SGCZ: variants seen among roughly 807,000 people sequenced by gnomAD.
SGCZ encodes zeta-sarcoglycan.
In SGCZ, 40 loss-of-function variants were observed where a neutral mutation model predicts 41.3. That is an observed-to-expected ratio of 0.97 (90% CI 0.75 to 1.26). The LOEUF is 1.26. Ranked by LOEUF, SGCZ falls within the 50% of genes most tolerant of loss-of-function variation. The pLI, the probability that SGCZ is intolerant of heterozygous loss-of-function variation, is 0.00. For missense variants in SGCZ, 552 were observed against 369.8 expected, an observed-to-expected ratio of 1.49 and a Z score of -4.04; for synonymous variants, 206 against 137.5, an observed-to-expected ratio of 1.50 and a Z score of -3.49.
chr8:14,090,359 T>G lies in SGCZ; in HGVS notation c.*84A>C. 6.9e-7 allele frequency: 1 copy of G among 1,453,548 alleles called. No individual in the cohort carries two copies. Among genetic ancestry groups the G allele is most frequent in the Non-Finnish European group, 9.3e-7 (1 of 1,075,314 alleles). 90.0% of individuals were successfully genotyped at this position (1,453,548 alleles called of 1,614,324 possible). ...TGGACCATTCGAAGAAGCTCTGGAC[T>G]GATCACAAGGGAAACCGAGCAGAAC... On this transcript the variant is annotated 3_prime_UTR_variant, in exon 8 of 8. Transcript: ENST00000382080.
At chr8:14,628,114 G>T (rs1016408170) in intron 1 of SGCZ, among the ~76,000 whole-genome samples, 1 of 152,088 alleles carries the variant, frequency 6.6e-6, no homozygotes, top group Admixed American at 6.6e-5. Context: ...AATTAAGATT[G>T]CAGGTTTAAT....
At chr8:15,073,761 C>G (rs1805434772) in intron 1 of SGCZ, among the ~76,000 whole-genome samples, 1 of 152,142 alleles carries the variant, frequency 6.6e-6, no homozygotes, top group South Asian at 2.1e-4. Context: ...CTAGCTGGCC[C>G]CCACAACTGT....
At chr8:14,457,318 T>C (rs1038915626) in intron 2 of SGCZ, among the ~76,000 whole-genome samples, 14 of 152,212 alleles carry the variant, frequency 9.2e-5, no homozygotes, top group African/African-American at 3.4e-4. Context: ...GAGGGCTCCT[T>C]GGTCTAGCGG....
intron 1 of SGCZ, among the ~76,000 whole-genome samples, chr8:15,225,950 A>G (rs1801756727): frequency 6.6e-6 from 1 of 152,144 alleles, no homozygotes; most frequent in South Asian, 2.1e-4. Flanking sequence ...ATGCACATCT[A>G]CATTGCCTTA....
rs186551293 is a variant in SGCZ at position 14,092,439 on chromosome 8, C to T, written c.745-1802G>A. ...GGCCATTTTCATATTTTTTAATACT[C>T]ATAAAAGTGTGTGGACTTTTAATCC... On this transcript the variant is annotated intron_variant, in intron 7 of 7. Coordinates refer to ENST00000382080, the MANE Select transcript of SGCZ (RefSeq NM_139167.4). 1.9e-3 allele frequency among the ~76,000 whole-genome samples: 284 copies of T among 152,068 alleles called. 4 individuals are homozygous for T. The highest frequency in any genetic ancestry group is 6.7e-3 in the African/African-American group (277 of 41,504).
intron 1 of SGCZ, among the ~76,000 whole-genome samples, chr8:14,784,975 T>A (rs1481013103): frequency 2.1e-5 from 3 of 141,580 alleles, no homozygotes; most frequent in Middle Eastern, 3.7e-3. Flanking sequence ...ATAATATATA[T>A]ATTTTTTATA....
At chr8:14,235,930 G>T (rs113104488) in intron 4 of SGCZ, among the ~76,000 whole-genome samples, 1 of 152,210 alleles carries the variant, frequency 6.6e-6, no homozygotes, top group East Asian at 1.9e-4. Flanking sequence ...TGATCCGCCC[G>T]CCTTGGCCTC....
intron 2 of SGCZ, among the ~76,000 whole-genome samples, chr8:14,466,842 T>C (rs1801064802): frequency 6.6e-6 from 1 of 151,880 alleles, no homozygotes; most frequent in Admixed American, 6.6e-5. Context: ...TTTCATTTTG[T>C]TTATACATTG....
chr8:15,099,899 A>G (rs1386261335), intron 1 of SGCZ, among the ~76,000 whole-genome samples: 1 of 152,132 alleles, frequency 6.6e-6, no homozygotes, highest in Non-Finnish European at 1.5e-5. Context: ...AAAAAATTCA[A>G]CATACTTTCA....
intron 3 of SGCZ, among the ~76,000 whole-genome samples, chr8:14,307,801 G>C (rs566636476): frequency 1.6e-4 from 25 of 152,142 alleles, no homozygotes; most frequent in African/African-American, 5.5e-4. Flanking sequence ...GCAAGGGCAA[G>C]AAAAAGAGGT....
At chr8:14,864,686 A>G (rs1366428472) in intron 1 of SGCZ, among the ~76,000 whole-genome samples, 1 of 152,164 alleles carries the variant, frequency 6.6e-6, no homozygotes, top group Non-Finnish European at 1.5e-5. Context: ...AAGACTTCTT[A>G]AACTGTAGAA....
intron 1 of SGCZ, among the ~76,000 whole-genome samples, chr8:15,176,958 G>A (rs996907162): frequency 1.3e-5 from 2 of 152,056 alleles, no homozygotes; most frequent in African/African-American, 4.8e-5. Context: ...TAGAGATCAC[G>A]CCACTGCACT....
intron 7 of SGCZ, among the ~76,000 whole-genome samples, chr8:14,095,682 A>ATTACT (rs1479304130): frequency 6.6e-6 from 1 of 152,148 alleles, no homozygotes; most frequent in Non-Finnish European, 1.5e-5. Flanking sequence ...GAATCTATAA[A>ATTACT]TTACTTTGGG....
intron 1 of SGCZ, chr8:14,879,187 C>G (rs149754950): frequency 0.054 from 8,194 of 151,958 alleles, 241 homozygotes; most frequent in Non-Finnish European, 0.067. Context: ...AGTTAGCTGG[C>G]CATGGTGGCA....
At chr8:14,262,125 A>G (rs749821958) in intron 3 of SGCZ, among the ~76,000 whole-genome samples, 6 of 152,160 alleles carry the variant, frequency 3.9e-5, no homozygotes, top group Non-Finnish European at 8.8e-5. Context: ...GCAAATGACT[A>G]TATTTACTGA....
chr8:14,625,358 G>T (rs546519979), intron 1 of SGCZ, among the ~76,000 whole-genome samples: 3 of 152,212 alleles, frequency 2.0e-5, no homozygotes, highest in African/African-American at 7.2e-5. Context: ...TCAAACGACA[G>T]TCCTTTTAGA....
intron 2 of SGCZ, among the ~76,000 whole-genome samples, chr8:14,418,609 C>G (rs1038047799): frequency 2.0e-5 from 3 of 149,228 alleles, no homozygotes; most frequent in Non-Finnish European, 4.4e-5. Flanking sequence ...TCAAAGTCTG[C>G]TAACTATCAA....
chr8:14,372,266 T>C (rs1803940579), intron 2 of SGCZ, among the ~76,000 whole-genome samples: 1 of 152,186 alleles, frequency 6.6e-6, no homozygotes, highest in South Asian at 2.1e-4. Context: ...AGTAACGACC[T>C]TGTGCTATAG....
chr8:14,932,066 ACAT>A (rs1336143346), intron 1 of SGCZ, among the ~76,000 whole-genome samples: 20 of 151,952 alleles, frequency 1.3e-4, no homozygotes, highest in Admixed American at 2.6e-4. Flanking sequence ...TGAAATTACA[ACAT>A]CATTATTACC....
Sources: gnomAD v4.1 joint callset for allele counts (sites outside exome capture counted in the v4.1 genomes callset) on GRCh38, gnomAD v4.1.1 for gene constraint, MANE v1.5 for transcripts, NCBI Gene and HGNC (gene_info 2026-07-23, HGNC 2026-07-21) for gene names.